KCNQ5: variants seen among roughly 807,000 people sequenced by gnomAD.
KCNQ5 encodes the protein potassium voltage-gated channel subfamily KQT member 5.
In KCNQ5, 30 loss-of-function variants were observed where a neutral mutation model predicts 98.2. The observed-to-expected ratio is 0.31, with a 90% CI of 0.23 to 0.41. The LOEUF is 0.41. KCNQ5 is among the 10% of genes least tolerant of loss of function. KCNQ5 has a pLI of 1.00. For synonymous variants in KCNQ5, 458 were observed against 449.4 expected (o/e 1.02, Z -0.24); for missense variants, 835 against 1,182.5 (o/e 0.71, Z 4.31).
chr6:72,683,664 G>A (rs1031056196), intron 1 of KCNQ5, among the ~76,000 whole-genome samples: 2 of 151,656 alleles, frequency 1.3e-5, no homozygotes, highest in Admixed American at 6.6e-5. Context: ...ACTGCGCCTG[G>A]CCCACATATA....
intron 5 of KCNQ5, among the ~76,000 whole-genome samples, chr6:73,103,743 G>C (rs1042242860): frequency 1.7e-5 from 1 of 57,616 alleles, no homozygotes; most frequent in African/African-American, 6.1e-5. Flanking sequence ...AGCGGAGATG[G>C]TTAATGGACA....
At chr6:73,092,292 G>A (rs924848209) in intron 5 of KCNQ5, among the ~76,000 whole-genome samples, 6 of 152,030 alleles carry the variant, frequency 3.9e-5, no homozygotes, top group African/African-American at 1.2e-4. Flanking sequence ...AGTCTTTAGG[G>A]TTTTCTAGGT....
In KCNQ5 at chr6:72,954,766, G is replaced by T. The variant is rs1432247460; in HGVS notation, c.399-49142G>T. ...CTTGGCAGAATAAGTTAGTTTAAAT[G>T]GTTGGTTCCATCTGTGTGGTAAAAT... On this transcript the variant is annotated intron_variant, in intron 1 of 13. Coordinates refer to ENST00000370398, the MANE Select transcript of KCNQ5 (RefSeq NM_019842.4). Among the ~76,000 whole-genome samples, 3 of 152,138 alleles carry T rather than the reference G, an allele frequency of 2.0e-5. No homozygotes were observed. The East Asian group carries it at 5.8e-4, about 29-fold the overall frequency.
rs549102150 is a variant in KCNQ5, at chr6:72,837,814, TTA to T, written c.399-166088_399-166087del. 5.6e-4 allele frequency among the ~76,000 whole-genome samples: 85 copies of T among 152,286 alleles called. No individual in the cohort carries two copies. In the Middle Eastern group the frequency reaches 0.01, roughly 18 times the overall value. ...CATGTTATATATATGTTGAAGCATG[TTA>T]TATATGTTTAAACATGTTATAGGTT... On this transcript the variant is annotated intron_variant, in intron 1 of 13. Coordinates refer to ENST00000370398, the MANE Select transcript of KCNQ5 (RefSeq NM_019842.4).
chr6:72,643,387 C>A (rs1765426343), intron 1 of KCNQ5, among the ~76,000 whole-genome samples: 1 of 152,140 alleles, frequency 6.6e-6, no homozygotes, highest in African/African-American at 2.4e-5. Flanking sequence ...CAAAGGAAGT[C>A]TAATTATTTG....
At position 72,813,405 on chromosome 6, in the gene KCNQ5, C is replaced by T. The variant is rs60214397; in HGVS notation, c.399-190503C>T. 2.2e-3 allele frequency among the ~76,000 whole-genome samples: 333 copies of T among 152,206 alleles called. 3 individuals are homozygous for T. Among genetic ancestry groups the T allele is most frequent in the South Asian group, 0.011 (53 of 4,828 alleles). ...CCTACTCAGGTATAGTTTATTGCTT[C>T]GTAAGAGGAATTTGAGTTTACAAAG... On this transcript the variant is annotated intron_variant, in intron 1 of 13. Transcript: ENST00000370398.
At chr6:73,109,044 C>T (rs925311005) in intron 6 of KCNQ5, among the ~76,000 whole-genome samples, 2 of 152,076 alleles carry the variant, frequency 1.3e-5, no homozygotes, top group Non-Finnish European at 2.9e-5. Context: ...TTTTCACAGA[C>T]TTCTGTTTAG....
chr6:72,943,655 G>T (rs1010377591), intron 1 of KCNQ5, among the ~76,000 whole-genome samples: 1 of 152,196 alleles, frequency 6.6e-6, no homozygotes, highest in Non-Finnish European at 1.5e-5. Flanking sequence ...TGGCACAGAG[G>T]TTAAGAGCAA....
At chr6:72,966,666 A>C (rs1767632194) in intron 1 of KCNQ5, among the ~76,000 whole-genome samples, 1 of 152,228 alleles carries the variant, frequency 6.6e-6, no homozygotes, top group Non-Finnish European at 1.5e-5. Flanking sequence ...ATTTATGCTA[A>C]AACTTAACTT....
intron 2 of KCNQ5, among the ~76,000 whole-genome samples, chr6:73,019,980 A>C (rs1214353972): frequency 6.6e-6 from 1 of 152,162 alleles, no homozygotes; most frequent in Non-Finnish European, 1.5e-5. Context: ...TTAATTCTTT[A>C]CCTTATCAGA....
chr6:72,910,578 G>A (rs913877350), intron 1 of KCNQ5, among the ~76,000 whole-genome samples: 7 of 150,938 alleles, frequency 4.6e-5, no homozygotes, highest in African/African-American at 1.5e-4. Context: ...GTGTGTGTGT[G>A]TGTGTGTGTG....
At chr6:73,187,750 T>A (rs1221870759) in intron 11 of KCNQ5, among the ~76,000 whole-genome samples, 1 of 152,144 alleles carries the variant, frequency 6.6e-6, no homozygotes, top group African/African-American at 2.4e-5. Flanking sequence ...AATAGCAAAT[T>A]ATGTAAGTAA....
At chr6:72,965,125 A>G (rs1767542581) in intron 1 of KCNQ5, among the ~76,000 whole-genome samples, 1 of 151,948 alleles carries the variant, frequency 6.6e-6, no homozygotes, top group African/African-American at 2.4e-5. Context: ...TGATAATTTC[A>G]CCACTTAAAA....
intron 3 of KCNQ5, among the ~76,000 whole-genome samples, chr6:73,053,993 T>C (rs903399225): frequency 7.3e-4 from 110 of 151,518 alleles, no homozygotes; most frequent in African/African-American, 2.6e-3. Flanking sequence ...ATAAACACAA[T>C]CAGAAATGAC....
At chr6:73,010,437 C>T (rs1770012959) in intron 2 of KCNQ5, among the ~76,000 whole-genome samples, 1 of 151,916 alleles carries the variant, frequency 6.6e-6, no homozygotes, top group Non-Finnish European at 1.5e-5. Context: ...TAAAACTTTT[C>T]CTCTAAGATC....
intron 1 of KCNQ5, among the ~76,000 whole-genome samples, chr6:72,670,635 A>G (rs1767056005): frequency 6.6e-6 from 1 of 152,240 alleles, no homozygotes; most frequent in Non-Finnish European, 1.5e-5. Flanking sequence ...TCTGGATGCT[A>G]GAAGTCCCAG....
intron 10 of KCNQ5, among the ~76,000 whole-genome samples, chr6:73,142,941 A>G (rs1776781208): frequency 6.6e-6 from 1 of 152,118 alleles, no homozygotes; most frequent in Non-Finnish European, 1.5e-5. Flanking sequence ...AAATAAATTG[A>G]GGGAGCAGGA....
intron 1 of KCNQ5, among the ~76,000 whole-genome samples, chr6:72,816,498 A>T (rs886279703): frequency 6.6e-6 from 1 of 152,242 alleles, no homozygotes; most frequent in African/African-American, 2.4e-5. Context: ...ACTGAAAGAG[A>T]GTTTCCAGTG....
At chr6:72,918,451 A>C (rs971736818) in intron 1 of KCNQ5, among the ~76,000 whole-genome samples, 5 of 152,044 alleles carry the variant, frequency 3.3e-5, no homozygotes, top group Non-Finnish European at 7.4e-5. Context: ...CATGAGAGTT[A>C]TCATTTTTGT....
Sources: gnomAD v4.1 joint callset for allele counts (sites outside exome capture counted in the v4.1 genomes callset) on GRCh38, gnomAD v4.1.1 for gene constraint, MANE v1.5 for transcripts, NCBI Gene and HGNC (gene_info 2026-07-23, HGNC 2026-07-21) for gene names.